The following MAP2K5 variants were observed in gnomAD, a reference collection of about 807,000 sequenced individuals.
The protein encoded by MAP2K5 is dual specificity mitogen-activated protein kinase kinase 5.
In MAP2K5, 49 loss-of-function variants were observed where a neutral mutation model predicts 83.1. The ratio of observed to expected loss-of-function variants is 0.59; its 90% CI spans 0.47 to 0.75. The LOEUF is 0.75. Among genes scored for constraint, MAP2K5 ranks in the 30% least tolerant of loss-of-function variants. MAP2K5 has a pLI of 0.00. For synonymous variants in MAP2K5, 202 were observed against 191.8 expected, an observed-to-expected ratio of 1.05 and a Z score of -0.44; for missense variants, 457 against 557.5, an observed-to-expected ratio of 0.82 and a Z score of 1.82.
chr15:67,664,871 T>C (rs2087334316), intron 13 of MAP2K5, among the ~76,000 whole-genome samples: 1 of 152,204 alleles, frequency 6.6e-6, no homozygotes, highest in Non-Finnish European at 1.5e-5. Context: ...TTTGTCAAAC[T>C]TGTAAAAAGA....
chr15:67,650,684 T>G (rs1285687766), intron 11 of MAP2K5, among the ~76,000 whole-genome samples: 1 of 152,188 alleles, frequency 6.6e-6, no homozygotes, highest in Non-Finnish European at 1.5e-5. Flanking sequence ...ATTATTCCAC[T>G]TAGTCATGAT....
intron 19 of MAP2K5, among the ~76,000 whole-genome samples, chr15:67,767,672 A>G (rs2090066160): frequency 6.6e-6 from 1 of 152,168 alleles, no homozygotes; most frequent in African/African-American, 2.4e-5. Flanking sequence ...GCTGAAATTG[A>G]TATCATGTTT....
chr15:67,550,174 AAC>A, intron 2 of MAP2K5, 92 bp downstream of exon 2: 1 of 932,794 alleles, frequency 1.1e-6, no homozygotes, highest in East Asian at 2.4e-5. Flanking sequence ...AACTGACAAA[AAC>A]AGATTATTTA....
chr15:67,684,253 T>C (rs1246515459), intron 13 of MAP2K5, among the ~76,000 whole-genome samples: 1 of 152,120 alleles, frequency 6.6e-6, no homozygotes, highest in Non-Finnish European at 1.5e-5. Flanking sequence ...CCAAAACTTA[T>C]ACAAAGTTGG....
chr15:67,590,468 T>TCTCTCTCTCC (rs59998974), intron 6 of MAP2K5, among the ~76,000 whole-genome samples: 3 of 27,250 alleles, frequency 1.1e-4, no homozygotes, highest in African/African-American at 2.3e-4. Context: ...TCTCTCTCTC[T>TCTCTCTCTCC]CTCTCTCTTT....
chr15:67,805,595 GGA>G (rs3837740), intron 21 of MAP2K5, among the ~76,000 whole-genome samples: 59,097 of 151,968 alleles, frequency 0.39, 12,304 homozygotes, highest in East Asian at 0.7. Flanking sequence ...GCTGGAGGGA[GGA>G]GAGAGCTGGG....
chr15:67,707,458 C>T (rs2088584398), intron 16 of MAP2K5, among the ~76,000 whole-genome samples: 2 of 152,224 alleles, frequency 1.3e-5, no homozygotes, highest in South Asian at 2.1e-4. Flanking sequence ...AAGAATTACT[C>T]CTCTTCTGTT....
Position 67,708,813 on chromosome 15 carries a change from A to C in MAP2K5, c.1044+5405A>C, listed in dbSNP as rs959756736. On this transcript the variant is annotated intron_variant, in intron 16 of 21. Coordinates refer to ENST00000178640, the MANE Select transcript of MAP2K5 (RefSeq NM_145160.3). The surrounding 1 kb of genome is among the most constrained non-coding windows in gnomAD (Gnocchi z 4.9). ...CTAAAATGTGCCATTAAAAAAAAAA[A>C]CTCACTGACAGGTACATTTATGCCT... is the stretch of plus-strand genomic sequence containing the variant. Among the ~76,000 whole-genome samples the C allele has an allele frequency of 2.0e-5, 3 of 152,078 alleles. No individual in the cohort carries two copies. The highest frequency in any genetic ancestry group is 7.2e-5 in the African/African-American group (3 of 41,390).
rs529217818 is a variant in MAP2K5, at chr15:67,562,604, A to G, written c.185-679A>G. On this transcript the variant is annotated intron_variant, in intron 2 of 21. Transcript: ENST00000178640. This position sits in a 1 kb window ranked among gnomAD's most constrained non-coding sequence, Gnocchi z 4.1. ...GCATGAATAGCATTTGAAGCTTTCT[A>G]TGGCTGGAGAGTATGCAAAACAAGT... 9.8e-5 allele frequency among the ~76,000 whole-genome samples: 15 copies of G among 152,290 alleles called. No homozygotes were observed. The South Asian group carries it at 2.7e-3, about 27-fold the overall frequency.
In MAP2K5 at chr15:67,561,345, C is replaced by T. The variant is rs2084732676; in HGVS notation, c.185-1938C>T. 1.3e-5 allele frequency among the ~76,000 whole-genome samples: 2 copies of T among 152,162 alleles called. No individual in the cohort carries two copies. The highest frequency in any genetic ancestry group is 2.1e-4 in the South Asian group (1 of 4,824). ...TTTCTAGAACTTATATATAGACAGA[C>T]TCCTTTCTTCTCTCTCTACAGCTGG... On this transcript the variant is annotated intron_variant, in intron 2 of 21. Transcript: ENST00000178640. The surrounding 1 kb of genome is among the most constrained non-coding windows in gnomAD (Gnocchi z 4.2).
In MAP2K5 at chr15:67,760,516, T is replaced by C. The variant is rs2089928867; in HGVS notation, c.1135-9086T>C. ...GCCAATAGACCTTATCCATTTCTTC[T>C]TTTTTACTAACCAAAATATTAACAT... On this transcript the variant is annotated intron_variant, in intron 19 of 21. Coordinates refer to ENST00000178640, the MANE Select transcript of MAP2K5 (RefSeq NM_145160.3). The surrounding 1 kb of genome is among the most constrained non-coding windows in gnomAD (Gnocchi z 4.1). Among the ~76,000 whole-genome samples, 1 of 152,228 alleles carries C rather than the reference T, an allele frequency of 6.6e-6. No homozygotes were observed. The highest frequency in any genetic ancestry group is 2.4e-5 in the African/African-American group (1 of 41,462).
At chr15:67,670,541 C>G (rs2087505028) in intron 13 of MAP2K5, 1 of 445,442 alleles carries the variant, frequency 2.2e-6, no homozygotes, top group South Asian at 1.6e-5. Context: ...GCTCTTCTTA[C>G]ATCTTAGCAG....
chr15:67,773,782 T>G (rs1291243093), intron 21 of MAP2K5, among the ~76,000 whole-genome samples: 1 of 152,206 alleles, frequency 6.6e-6, no homozygotes, highest in Non-Finnish European at 1.5e-5. Flanking sequence ...TCTGCAGGTT[T>G]CATGTCTAGA....
In MAP2K5 at chr15:67,696,093, T is replaced by A. The variant is rs375115896; in HGVS notation, c.972+2525T>A. Among the ~76,000 whole-genome samples, 22 of 151,382 alleles carry A rather than the reference T, an allele frequency of 1.5e-4. No individual in the cohort carries two copies. The East Asian group carries it at 4.1e-3, about 28-fold the overall frequency. ...TACAGGTATGAATCCCTGACTTTTATCTGCTGACAGTCTCTTGAGAGAAAA... is the reference window on the plus strand; with the variant it reads ...TACAGGTATGAATCCCTGACTTTTAACTGCTGACAGTCTCTTGAGAGAAAA... On this transcript the variant is annotated intron_variant, in intron 15 of 21. Coordinates refer to ENST00000178640, the MANE Select transcript of MAP2K5 (RefSeq NM_145160.3).
At position 67,801,665 on chromosome 15, in the gene MAP2K5, T is replaced by TG. The variant is rs2090708790; in HGVS notation, c.1243-4976dup. Among the ~76,000 whole-genome samples the TG allele has an allele frequency of 6.6e-6, 1 of 152,104 alleles. No homozygotes were observed. Among genetic ancestry groups the TG allele is most frequent in the South Asian group, 2.1e-4 (1 of 4,828 alleles). On this transcript the variant is annotated intron_variant, in intron 21 of 21. Transcript: ENST00000178640. The surrounding 1 kb of genome is among the most constrained non-coding windows in gnomAD (Gnocchi z 4.8). ...TAGAGCTTTAGTTTCCTTTATAAAA[T>TG]GGGGGTGCCGGGAGGGTTCAGGAGA...
intron 14 of MAP2K5, 95 bp downstream of exon 14, chr15:67,692,647 A>G: frequency 1.1e-6 from 1 of 895,526 alleles, no homozygotes; most frequent in Non-Finnish European, 1.8e-6. Context: ...CCTAGCTGCC[A>G]GACAAACAGA....
chr15:67,749,703 G>C lies in MAP2K5; in HGVS notation c.1134+1102G>C, dbSNP rs938808349. Among the ~76,000 whole-genome samples the C allele has an allele frequency of 1.3e-5, 2 of 152,108 alleles. No individual in the cohort carries two copies. Among genetic ancestry groups the C allele is most frequent in the African/African-American group, 2.4e-5 (1 of 41,420 alleles). On this transcript the variant is annotated intron_variant, in intron 19 of 21. Transcript: ENST00000178640. This position sits in a 1 kb window ranked among gnomAD's most constrained non-coding sequence, Gnocchi z 4.6. ...AATCCATGTTGATGTAAAAATGAAG[G>C]CATCGTCCTGAAACAAATGGAGGCT...
At chr15:67,642,259 A>T (rs1344870278) in intron 9 of MAP2K5, among the ~76,000 whole-genome samples, 3 of 152,210 alleles carry the variant, frequency 2.0e-5, no homozygotes, top group Admixed American at 2.0e-4. Flanking sequence ...AGAGGATTAT[A>T]GTTGTAAAGA....
chr15:67,759,365 A>G (rs1032501759), intron 19 of MAP2K5, among the ~76,000 whole-genome samples: 1 of 151,758 alleles, frequency 6.6e-6, no homozygotes, highest in African/African-American at 2.4e-5. Flanking sequence ...TCGAGACCAG[A>G]CCTGGCAACA....
Sources: gnomAD v4.1 joint callset for allele counts (sites outside exome capture counted in the v4.1 genomes callset) on GRCh38, gnomAD v4.1.1 for gene constraint, Gnocchi (gnomAD v3.1) non-coding constraint, MANE v1.5 for transcripts, NCBI Gene and HGNC (gene_info 2026-07-23, HGNC 2026-07-21) for gene names.